The following FBLN7 variants were observed in gnomAD, a reference collection of about 807,000 sequenced individuals.
The protein encoded by FBLN7 is fibulin-7.
A neutral mutation model predicts 44.0 loss-of-function variants in FBLN7; 31 were observed. That is an observed-to-expected ratio of 0.70 (90% CI 0.53 to 0.95). The LOEUF (loss-of-function observed/expected upper bound fraction) is 0.95. Ranked by LOEUF, FBLN7 falls within the 40% of genes least tolerant of loss-of-function variation. The pLI, the probability that FBLN7 is intolerant of heterozygous loss-of-function variation, is 0.00. For synonymous variants in FBLN7, 262 were observed against 253.4 expected, an observed-to-expected ratio of 1.03 and a Z score of -0.32; for missense variants, 573 against 618.5, an observed-to-expected ratio of 0.93 and a Z score of 0.78.
In FBLN7 at chr2:112,187,644, T is replaced by G; in HGVS notation, c.*138T>G. ...GTGCACCCAGGCTTCTAGGGCAGCG[T>G]TGCACGGCGCCCCATGGAATAGCAC... On this transcript the variant is annotated 3_prime_UTR_variant, in exon 8 of 8. Transcript: ENST00000331203. The surrounding 1 kb of genome is among the most constrained non-coding windows in gnomAD (Gnocchi z 5.1). 1 of 1,166,354 alleles carries G rather than the reference T, an allele frequency of 8.6e-7. No homozygotes were observed. Among genetic ancestry groups the G allele is most frequent in the Non-Finnish European group, 1.2e-6 (1 of 826,052 alleles). 72.3% of individuals were successfully genotyped at this position (1,166,354 alleles called of 1,614,324 possible).
At position 112,187,580 on chromosome 2, in the gene FBLN7, A is replaced by G; in HGVS notation, c.*74A>G. The G allele has an allele frequency of 6.4e-7, 1 of 1,559,530 alleles. No homozygotes were observed. Among genetic ancestry groups the G allele is most frequent in the Non-Finnish European group, 8.7e-7 (1 of 1,149,394 alleles). On this transcript the variant is annotated 3_prime_UTR_variant, in exon 8 of 8. Transcript: ENST00000331203. The surrounding 1 kb of genome is among the most constrained non-coding windows in gnomAD (Gnocchi z 5.1). Reference sequence around the variant, plus strand: ...CCCGAAGGCTCAGCTTCGGGCACCGACTGCGTGGAGCCTCCCGCCTGTTCC... The same window carrying G: ...CCCGAAGGCTCAGCTTCGGGCACCGGCTGCGTGGAGCCTCCCGCCTGTTCC...
chr2:112,181,923 A>C, intron 5 of FBLN7, 47 bp downstream of exon 5: 1 of 1,516,126 alleles, frequency 6.6e-7, no homozygotes, highest in Non-Finnish European at 8.8e-7. Flanking sequence ...CGGGGAGGAC[A>C]TGGGGCGGGG....
chr2:112,172,573 C>T (rs1682517664), intron 3 of FBLN7, among the ~76,000 whole-genome samples: 1 of 151,280 alleles, frequency 6.6e-6, no homozygotes, highest in Non-Finnish European at 1.5e-5. Flanking sequence ...GTCTCAGTGC[C>T]AGCCTTTCTG....
chr2:112,188,822 A>G (rs1191854874), downstream of FBLN7: 1 of 152,208 alleles, frequency 6.6e-6, no homozygotes, highest in Non-Finnish European at 1.5e-5. Flanking sequence ...TGCTTTTGAA[A>G]TGTTTCTTCT....
chr2:112,240,203 C>T, the FBLN7 span, among the ~76,000 whole-genome samples: 6 of 152,210 alleles, frequency 3.9e-5, no homozygotes, highest in African/African-American at 1.4e-4. Context: ...TTCAGCTTCA[C>T]CACCTGTTTC....
intron 3 of FBLN7, among the ~76,000 whole-genome samples, chr2:112,174,961 T>C (rs1266185089): frequency 1.3e-5 from 2 of 151,960 alleles, no homozygotes; most frequent in Non-Finnish European, 2.9e-5. Context: ...AAGGGAAGAA[T>C]ACAAAAAATT....
intron 2 of FBLN7, among the ~76,000 whole-genome samples, chr2:112,160,127 A>C (rs1024964372): frequency 6.6e-6 from 1 of 152,094 alleles, no homozygotes. Context: ...CGTAGCTGGG[A>C]CTACAGGCGC....
the FBLN7 span, among the ~76,000 whole-genome samples, chr2:112,198,010 T>C: frequency 6.6e-6 from 1 of 152,184 alleles, no homozygotes; most frequent in Non-Finnish European, 1.5e-5. Flanking sequence ...CAGGAAGGGC[T>C]ATGGACTCTT....
rs202243216 is a variant in FBLN7 at position 112,187,426 on chromosome 2, A to G, written c.1240A>G (p.Met414Val). 2 of 1,614,182 alleles carry G rather than the reference A, an allele frequency of 1.2e-6. No homozygotes were observed. Among genetic ancestry groups the G allele is most frequent in the African/African-American group, 1.3e-5 (1 of 75,052 alleles). ...GPQTLEVDVD[M>V]SEYLDRSFQA... ...TCAGACGCTGGAGGTGGACGTCGAC[A>G]TGTCGGAATACCTGGACCGCTCCTT... is the stretch of plus-strand genomic sequence containing the variant. Residue 414 changes from methionine to valine, a missense_variant, in exon 8 of 8, where the codon ATG becomes GTG. Met to Val is a conservative substitution (Grantham distance 21). Coordinates refer to ENST00000331203, the MANE Select transcript of FBLN7 (RefSeq NM_153214.3). This position sits in a 1 kb window ranked among gnomAD's most constrained non-coding sequence, Gnocchi z 5.1.
At chr2:112,238,188 T>TA in the FBLN7 span, 1 of 985,530 alleles carries the variant, frequency 1.0e-6, no homozygotes, top group Non-Finnish European at 1.5e-6. Context: ...ATGTCTGGTA[T>TA]AAATATTCAT....
chr2:112,140,408 A>C (rs941751891), intron 1 of FBLN7, among the ~76,000 whole-genome samples: 10 of 152,014 alleles, frequency 6.6e-5, no homozygotes, highest in African/African-American at 2.4e-4. Context: ...CGGGCTTGCC[A>C]CTTTCCACTC....
downstream of FBLN7, among the ~76,000 whole-genome samples, chr2:112,192,478 C>T (rs1255018528): frequency 2.0e-5 from 3 of 152,154 alleles, no homozygotes; most frequent in Non-Finnish European, 4.4e-5. Flanking sequence ...CAGGAAGAGA[C>T]AAGAGGCAAG....
chr2:112,214,425 C>T, the FBLN7 span: 1 of 152,132 alleles, frequency 6.6e-6, no homozygotes, highest in Non-Finnish European at 1.5e-5. Context: ...TTTTCCCATA[C>T]AACTTTCTGG....
chr2:112,230,955 T>C, the FBLN7 span: 2 of 1,243,052 alleles, frequency 1.6e-6, no homozygotes, highest in Non-Finnish European at 2.1e-6. Context: ...CAAAACCTAA[T>C]ATAAAAAAAA....
chr2:112,154,395 C>G (rs1044289998), intron 1 of FBLN7, among the ~76,000 whole-genome samples: 1 of 152,216 alleles, frequency 6.6e-6, no homozygotes, highest in Non-Finnish European at 1.5e-5. Context: ...AGGACCCAGA[C>G]ATGGCAGCTT....
At chr2:112,217,748 G>C in the FBLN7 span, among the ~76,000 whole-genome samples, 4 of 152,116 alleles carry the variant, frequency 2.6e-5, no homozygotes, top group Non-Finnish European at 5.9e-5. Context: ...TTGCTTAAAA[G>C]CTTGAATTTT....
chr2:112,231,966 A>C, the FBLN7 span: 3 of 1,361,392 alleles, frequency 2.2e-6, no homozygotes, highest in Non-Finnish European at 3.1e-6. Flanking sequence ...AGTGTTAAGG[A>C]AGAGAACAAT....
chr2:112,206,801 C>T, the FBLN7 span, among the ~76,000 whole-genome samples: 5 of 148,562 alleles, frequency 3.4e-5, no homozygotes, highest in African/African-American at 1.3e-4. Context: ...GGCACAATCA[C>T]GACTCACTTC....
At chr2:112,230,911 G>A in the FBLN7 span, 1 of 1,281,510 alleles carries the variant, frequency 7.8e-7, no homozygotes, top group South Asian at 1.5e-5. Flanking sequence ...ACCTTTTTAT[G>A]TCTATTTTAT....
Sources: allele counts gnomAD v4.1 joint callset (sites outside exome capture counted in the v4.1 genomes callset), GRCh38; gene constraint gnomAD v4.1.1; non-coding constraint Gnocchi (gnomAD v3.1); transcripts MANE v1.5; gene names NCBI Gene and HGNC (gene_info 2026-07-23, HGNC 2026-07-21).